Variants in ARHGEF10 observed in about 807,000 individuals in gnomAD.
ARHGEF10 encodes the protein Rho guanine nucleotide exchange factor 10.
Under a neutral mutation model 147.4 loss-of-function variants are expected in ARHGEF10, and 140 were observed. The ratio of observed to expected loss-of-function variants is 0.95; its 90% CI spans 0.83 to 1.09. ARHGEF10 has a LOEUF of 1.09. ARHGEF10 is among the 50% of genes least tolerant of loss of function. The pLI is 0.00. For missense variants in ARHGEF10, 2,222 were observed against 1,752.7 expected, an observed-to-expected ratio of 1.27 and a Z score of -4.78; for synonymous variants, 902 against 695.8, an observed-to-expected ratio of 1.30 and a Z score of -4.67.
At chr8:1,869,434 T>C (rs1806904198) in intron 7 of ARHGEF10, 184 bp downstream of exon 7, 3 of 704,532 alleles carry the variant, frequency 4.3e-6, no homozygotes, top group South Asian at 3.0e-5. Context: ...GTGTGTGTGC[T>C]TATAACCCTT....
intron 18 of ARHGEF10, among the ~76,000 whole-genome samples, chr8:1,916,947 G>T (rs1482486982): frequency 2.6e-5 from 4 of 152,096 alleles, no homozygotes; most frequent in Non-Finnish European, 4.4e-5. Flanking sequence ...TCCTGTATAG[G>T]GAATTTTCAT....
intron 26 of ARHGEF10, among the ~76,000 whole-genome samples, chr8:1,944,232 G>GACCCCA (rs1188121205): frequency 5.3e-5 from 8 of 151,290 alleles, no homozygotes; most frequent in South Asian, 2.1e-4. Context: ...CCTCCCTGGG[G>GACCCCA]GCCCCAGCCT....
At chr8:1,878,399 C>A (rs1585363647) in intron 8 of ARHGEF10, among the ~76,000 whole-genome samples, 1 of 152,226 alleles carries the variant, frequency 6.6e-6, no homozygotes, top group East Asian at 1.9e-4. Context: ...ATTGGCCAGG[C>A]TGGTCTCGAA....
chr8:1,858,138 A>G (rs1370608069), intron 3 of ARHGEF10, 23 bp downstream of exon 3: 2 of 1,602,492 alleles, frequency 1.2e-6, no homozygotes, highest in African/African-American at 2.7e-5. Context: ...GAGGGTCCCC[A>G]GGTGAGTCCC....
rs1803228641 is a variant in ARHGEF10 at position 1,832,648 on chromosome 8, A to AGAGACAGAGGCAGAGG, written c.-48+8535_-48+8536insGAGACAGAGGCAGAGG. Among the ~76,000 whole-genome samples the AGAGACAGAGGCAGAGG allele has an allele frequency of 3.1e-5, 3 of 96,408 alleles. No individual in the cohort carries two copies. In the East Asian group the frequency reaches 9.4e-4, roughly 30 times the overall value. The allele number at this position is 96,408 out of a possible 152,430, so 63.2% of individuals were successfully genotyped here. ...GAGAGAGACAGAGGCAGAGGCAGAG[A>AGAGACAGAGGCAGAGG]CAGAGAGAGACAGAGGCAGAGACAG... On this transcript the variant is annotated intron_variant, in intron 1 of 28. Coordinates refer to ENST00000349830, the MANE Select transcript of ARHGEF10 (RefSeq NM_014629.4).
intron 1 of ARHGEF10, among the ~76,000 whole-genome samples, chr8:1,829,972 G>C (rs1224464216): frequency 6.6e-6 from 1 of 152,206 alleles, no homozygotes; most frequent in East Asian, 1.9e-4. Flanking sequence ...CGAGTCATAG[G>C]TAGCGGTAGC....
chr8:1,839,101 G>T (rs1422456662), intron 1 of ARHGEF10, among the ~76,000 whole-genome samples: 1 of 151,466 alleles, frequency 6.6e-6, no homozygotes, highest in Non-Finnish European at 1.5e-5. Flanking sequence ...TCTGGTGTGG[G>T]GAGTGTCTGG....
chr8:1,923,099 G>A lies in ARHGEF10; in HGVS notation c.2259+20G>A. ...TATCAGGTAACAATTGAAGCAATTG[G>A]ATTTAAGATTCTGCCTTTACTTATA... On this transcript the variant is annotated intron_variant, in intron 19 of 28. Transcript: ENST00000349830. 6 of 1,524,820 alleles carry A rather than the reference G, an allele frequency of 3.9e-6. No homozygotes were observed. Among genetic ancestry groups the A allele is most frequent in the Non-Finnish European group, 5.5e-6 (6 of 1,100,822 alleles). 94.5% of individuals were successfully genotyped at this position (1,524,820 alleles called of 1,614,324 possible). A position where few individuals can be genotyped will look rare whatever the true frequency, so the allele number is the denominator to read the frequency against.
intron 18 of ARHGEF10, among the ~76,000 whole-genome samples, chr8:1,915,619 A>T (rs762995624): frequency 3.3e-5 from 5 of 152,254 alleles, no homozygotes; most frequent in Non-Finnish European, 5.9e-5. Flanking sequence ...TCTGTTCTCC[A>T]TGCAGGTGGC....
chr8:1,890,657 T>TG (rs112776873), intron 11 of ARHGEF10, among the ~76,000 whole-genome samples: 2 of 150,252 alleles, frequency 1.3e-5, no homozygotes, highest in African/African-American at 2.5e-5. Context: ...GAGGAGACAC[T>TG]AAGTGGGGTG....
rs1803371156 is a variant in ARHGEF10, at chr8:1,833,332, A to AGGGAAGG, written c.-48+9219_-48+9220insGGGAAGG. ...GAGACAGAAGCAGAGGGAGACAGAG[A>AGGGAAGG]CAGAGGCAGAGACAGAGGCAGAGAG... On this transcript the variant is annotated intron_variant, in intron 1 of 28. Coordinates refer to ENST00000349830, the MANE Select transcript of ARHGEF10 (RefSeq NM_014629.4). Among the ~76,000 whole-genome samples the AGGGAAGG allele has an allele frequency of 2.9e-5, 3 of 104,504 alleles. 1 individual carries two copies. Among genetic ancestry groups the AGGGAAGG allele is most frequent in the Middle Eastern group, 6.0e-3 (1 of 168 alleles). The allele number at this position is 104,504 out of a possible 152,430, so 68.6% of individuals were successfully genotyped here.
intron 26 of ARHGEF10, among the ~76,000 whole-genome samples, chr8:1,936,600 T>A (rs915955513): frequency 2.0e-5 from 3 of 152,140 alleles, no homozygotes; most frequent in Non-Finnish European, 4.4e-5. Context: ...CTTTGAAGCC[T>A]CTGAAGACGT....
intron 25 of ARHGEF10, 129 bp downstream of exon 25, chr8:1,929,572 G>C: frequency 8.7e-7 from 1 of 1,155,284 alleles, no homozygotes. Context: ...CCCTGCGCTC[G>C]TCACCCTTGC....
intron 26 of ARHGEF10, among the ~76,000 whole-genome samples, chr8:1,938,912 TC>T (rs1180274115): frequency 2.1e-5 from 3 of 142,180 alleles, no homozygotes; most frequent in Non-Finnish European, 4.5e-5. Flanking sequence ...GGAATCCCAG[TC>T]CCCAGAAACC....
chr8:1,844,494 C>T (rs533486391), intron 2 of ARHGEF10, among the ~76,000 whole-genome samples: 1 of 38,350 alleles, frequency 2.6e-5, no homozygotes, highest in South Asian at 7.5e-4. Flanking sequence ...AAACAGCCAG[C>T]GACACCACAG....
chr8:1,857,987 A>G lies in ARHGEF10; in HGVS notation c.65A>G (p.Asn22Ser). ...AENEMKYDTN[N>S]NEEEEGEQFD... ...AATGAAATGAAATATGATACCAATAATAATGAAGAGGAAGAGGGAGAACAG... is the reference window on the plus strand; with the variant it reads ...AATGAAATGAAATATGATACCAATAGTAATGAAGAGGAAGAGGGAGAACAG... Residue 22 changes from asparagine to serine, a missense_variant, in exon 3 of 29, where the codon AAT (asparagine) becomes AGT (serine). By Grantham distance (46) the Asn-to-Ser change is conservative (BLOSUM62 1). Coordinates refer to ENST00000349830, the MANE Select transcript of ARHGEF10 (RefSeq NM_014629.4). 6.2e-7 allele frequency: 1 copy of G among 1,614,130 alleles called. No individual in the cohort carries two copies. The highest frequency in any genetic ancestry group is 8.5e-7 in the Non-Finnish European group (1 of 1,180,004).
Position 1,880,131 on chromosome 8 carries a change from G to T in ARHGEF10, c.927G>T (p.Glu309Asp), listed in dbSNP as rs1455290692. 6.2e-7 allele frequency: 1 copy of T among 1,614,044 alleles called. No homozygotes were observed. The highest frequency in any genetic ancestry group is 1.1e-5 in the South Asian group (1 of 91,084). Residue 309 changes from glutamate to aspartate, a missense_variant, in exon 9 of 29, where the codon GAG (glutamate) becomes GAT (aspartate). By Grantham distance (45) the Glu-to-Asp change is conservative (BLOSUM62 2). Transcript: ENST00000349830. ...DLMASTVGVV[E>D]IQQLRQKHEL... ...TGGCAAGCACGGTGGGCGTGGTGGA[G>T]ATTCAGCAGCTCAGGCAGAAGCATG...
At chr8:1,925,431 G>A (rs374687394) in intron 22 of ARHGEF10, 27 bp downstream of exon 22, 51 of 1,612,666 alleles carry the variant, frequency 3.2e-5, no homozygotes, top group Middle Eastern at 1.8e-4. Context: ...CCCGCGGCCC[G>A]GGGTGGGACG....
At chr8:1,924,783 C>T (rs1025552472) in intron 21 of ARHGEF10, among the ~76,000 whole-genome samples, 2 of 152,228 alleles carry the variant, frequency 1.3e-5, no homozygotes, top group East Asian at 1.9e-4. Context: ...AGCCCCCTTT[C>T]GTCTTCAGAT....
Sources: allele counts gnomAD v4.1 joint callset (sites outside exome capture counted in the v4.1 genomes callset), GRCh38; gene constraint gnomAD v4.1.1; transcripts MANE v1.5; gene names NCBI Gene and HGNC (gene_info 2026-07-23, HGNC 2026-07-21).